The following CREBBP variants were observed in gnomAD, a reference collection of about 807,000 sequenced individuals.
CREBBP encodes CREB binding lysine acetyltransferase, also known as CREB-binding protein.
In CREBBP, 19 loss-of-function variants were observed where a neutral mutation model predicts 265.0. That is an observed-to-expected ratio of 0.07 (90% CI 0.05 to 0.11). The LOEUF (loss-of-function observed/expected upper bound fraction) is 0.11. Ranked by LOEUF, CREBBP falls within the 10% of genes least tolerant of loss-of-function variation. The probability of loss-of-function intolerance (pLI) is 1.00; values close to 1 mark genes in which losing one functional copy is unlikely to be tolerated. For missense variants in CREBBP, 2,525 were observed against 3,219.0 expected (o/e 0.78, Z 5.22); for synonymous variants, 1,457 against 1,223.7 (o/e 1.19, Z -3.98).
At chr16:3,760,006 G>A (rs766460669) in intron 16 of CREBBP, among the ~76,000 whole-genome samples, 7 of 152,216 alleles carry the variant, frequency 4.6e-5, no homozygotes, top group Non-Finnish European at 8.8e-5. Flanking sequence ...CTCACACAGA[G>A]AAGAAACTGG....
chr16:3,805,634 G>A (rs2053813837), intron 3 of CREBBP, among the ~76,000 whole-genome samples: 1 of 152,274 alleles, frequency 6.6e-6, no homozygotes, highest in Non-Finnish European at 1.5e-5. Flanking sequence ...ATCTAGACAG[G>A]GGACAGAAAA....
chr16:3,776,796 A>T (rs1224474556), intron 11 of CREBBP, among the ~76,000 whole-genome samples: 1 of 150,564 alleles, frequency 6.6e-6, no homozygotes, highest in Non-Finnish European at 1.5e-5. Context: ...GCAGATCACA[A>T]GTTCACGCGA....
At chr16:3,740,708 G>A in intron 23 of CREBBP, 159 bp from the exon 24 acceptor site, 1 of 896,862 alleles carries the variant, frequency 1.1e-6, no homozygotes, top group South Asian at 1.4e-5. Flanking sequence ...TGTGACACGA[G>A]TGTTATATAA....
intron 2 of CREBBP, among the ~76,000 whole-genome samples, chr16:3,835,743 C>T (rs2054434716): frequency 6.6e-6 from 1 of 151,854 alleles, no homozygotes; most frequent in African/African-American, 2.4e-5. Context: ...CCACACCTGG[C>T]TGATTTTTTG....
chr16:3,851,323 A>G (rs1414859713), intron 1 of CREBBP, among the ~76,000 whole-genome samples: 4 of 150,742 alleles, frequency 2.7e-5, no homozygotes, highest in Non-Finnish European at 5.9e-5. Flanking sequence ...AAAAAAAAAA[A>G]AAGAGTAATG....
chr16:3,849,419 GTGTGTGTGTGTGTGT>G (rs2054743112), intron 2 of CREBBP, among the ~76,000 whole-genome samples: 13 of 7,742 alleles, frequency 1.7e-3, no homozygotes, highest in Middle Eastern at 0.12. Flanking sequence ...GTGTGTGTGT[GTGTGTGTGTGTGTGT>G]GTGTGTGTGT....
At chr16:3,780,366 A>G (rs113069535) in intron 8 of CREBBP, among the ~76,000 whole-genome samples, 8 of 152,290 alleles carry the variant, frequency 5.3e-5, no homozygotes, top group African/African-American at 1.7e-4. Flanking sequence ...CACAACTAGA[A>G]TCTGGAACTA....
intron 16 of CREBBP, among the ~76,000 whole-genome samples, chr16:3,759,936 G>A (rs911981592): frequency 1.3e-5 from 2 of 152,078 alleles, no homozygotes; most frequent in Non-Finnish European, 2.9e-5. Context: ...GAAGCTGTTC[G>A]GTGTGGGAGG....
At chr16:3,876,784 T>A (rs867402904) in intron 1 of CREBBP, among the ~76,000 whole-genome samples, 1 of 152,160 alleles carries the variant, frequency 6.6e-6, no homozygotes, top group Non-Finnish European at 1.5e-5. Flanking sequence ...TCGCAGCACA[T>A]TCCGTATTTC....
chr16:3,851,306 T>TAAAAAAAAAAAAAAA (rs1160251196), intron 1 of CREBBP, among the ~76,000 whole-genome samples: 2 of 76,494 alleles, frequency 2.6e-5, no homozygotes, highest in South Asian at 3.9e-4. Context: ...AAAAAAAAAT[T>TAAAAAAAAAAAAAAA]AAAAAAAAAA....
intron 1 of CREBBP, among the ~76,000 whole-genome samples, chr16:3,865,303 A>C (rs373691758): frequency 6.6e-6 from 1 of 152,236 alleles, no homozygotes; most frequent in African/African-American, 2.4e-5. Context: ...AGAAGACAAG[A>C]CTGGAAATAA....
chr16:3,820,204 G>T (rs368488283), intron 2 of CREBBP, among the ~76,000 whole-genome samples: 37 of 152,342 alleles, frequency 2.4e-4, no homozygotes, highest in East Asian at 1.2e-3. Flanking sequence ...ACCATTGTTG[G>T]AAGAAAGCCA....
In CREBBP at chr16:3,877,354, G is replaced by A. The variant is rs188969634; in HGVS notation, c.85+2478C>T. Among the ~76,000 whole-genome samples the A allele has an allele frequency of 2.6e-5, 4 of 152,274 alleles. No individual in the cohort carries two copies. In the East Asian group the frequency reaches 7.7e-4, roughly 29 times the overall value. ...TTTAAAATACATCCCTAAGATCTCT[G>A]TCCATCTCATTACTCAATTTCTTAG... On this transcript the variant is annotated intron_variant, in intron 1 of 30. Transcript: ENST00000262367.
intron 5 of CREBBP, among the ~76,000 whole-genome samples, chr16:3,784,811 T>G (rs143318447): frequency 2.2e-4 from 34 of 152,300 alleles, no homozygotes; most frequent in Admixed American, 4.6e-4. Context: ...ACTCCTAAGC[T>G]CACAGCACTT....
chr16:3,784,210 AC>A (rs775859301), intron 5 of CREBBP, among the ~76,000 whole-genome samples: 7 of 152,126 alleles, frequency 4.6e-5, no homozygotes, highest in Non-Finnish European at 1.0e-4. Flanking sequence ...CCATCAGCAC[AC>A]CTATAATAAA....
intron 1 of CREBBP, among the ~76,000 whole-genome samples, chr16:3,875,922 G>A (rs983146343): frequency 1.8e-4 from 27 of 152,138 alleles, no homozygotes; most frequent in Admixed American, 1.7e-3. Context: ...CTTTAAATAA[G>A]CTTCCCTATT....
chr16:3,729,333 G>A lies in CREBBP; in HGVS notation c.5714C>T (p.Pro1905Leu), dbSNP rs1198969992. 6.3e-7 allele frequency: 1 copy of A among 1,579,620 alleles called. No individual in the cohort carries two copies. The highest frequency in any genetic ancestry group is 1.3e-5 in the African/African-American group (1 of 74,344). The stretch of plus-strand genomic sequence containing the variant: ...GGGTGAGGGTTGGGGCTGGGCAGGG[G>A]GCTGCGGCGTCTGGGGTGTGCTGGG... ...QQPSTPQTPQPPAQPQPSPVS... is the reference protein window; with the variant it reads ...QQPSTPQTPQLPAQPQPSPVS... The change falls in exon 31 of 31, where the codon CCC (proline) becomes CTC (leucine). Residue 1905 changes from proline to leucine, a missense_variant. Physicochemically the swap from Pro to Leu is moderately conservative, Grantham distance 98 (BLOSUM62 -3). Around this residue, in one of 19 missense-constraint regions of CREBBP, gnomAD observed 275 missense variants for 276.5 expected, o/e 0.99. Transcript: ENST00000262367.
chr16:3,815,230 A>C (rs1229043715), intron 2 of CREBBP, among the ~76,000 whole-genome samples: 1 of 152,196 alleles, frequency 6.6e-6, no homozygotes, highest in East Asian at 1.9e-4. Flanking sequence ...CATTTCTTTA[A>C]ACGTCCCAAC....
At chr16:3,809,449 T>C (rs752319000) in intron 3 of CREBBP, among the ~76,000 whole-genome samples, 1 of 152,164 alleles carries the variant, frequency 6.6e-6, no homozygotes, top group Non-Finnish European at 1.5e-5. Context: ...GTGCTGGCAT[T>C]ACAGGTGTGA....
Sources: allele counts gnomAD v4.1 joint callset (sites outside exome capture counted in the v4.1 genomes callset), GRCh38; gene constraint gnomAD v4.1.1; regional missense constraint gnomAD v4.1.1; transcripts MANE v1.5; gene names NCBI Gene and HGNC (gene_info 2026-07-23, HGNC 2026-07-21).